RBFOX1: variants seen among roughly 807,000 people sequenced by gnomAD.
The protein encoded by RBFOX1 is RNA binding protein fox-1 homolog 1.
RBFOX1 carries 8 observed loss-of-function variants against 57.7 expected under a neutral mutation model. The ratio of observed to expected loss-of-function variants is 0.14; its 90% CI spans 0.08 to 0.25. RBFOX1 has a LOEUF of 0.25. Among genes scored for constraint, RBFOX1 ranks in the 10% least tolerant of loss-of-function variants. RBFOX1 has a pLI of 1.00. For missense variants in RBFOX1, 611 were observed against 548.5 expected (o/e 1.11, Z -1.14); for synonymous variants, 326 against 222.4 (o/e 1.47, Z -4.15).
chr16:6,956,264 A>T (rs1383352820), intron 3 of RBFOX1, among the ~76,000 whole-genome samples: 1 of 152,150 alleles, frequency 6.6e-6, no homozygotes, highest in Admixed American at 6.6e-5. Context: ...TCAGGCACAA[A>T]GAGCTGGGTG....
intron 3 of RBFOX1, among the ~76,000 whole-genome samples, chr16:5,710,845 C>G (rs1034766841): frequency 6.6e-6 from 1 of 152,178 alleles, no homozygotes; most frequent in Admixed American, 6.5e-5. Context: ...TGTTGTGGCT[C>G]TGCAAGACCT....
chr16:7,129,044 A>T (rs2069446150), intron 4 of RBFOX1, among the ~76,000 whole-genome samples: 5 of 151,530 alleles, frequency 3.3e-5, no homozygotes, highest in African/African-American at 1.2e-4. Context: ...TGGTCTTGAC[A>T]CCTTAACCTC....
chr16:6,584,117 G>C (rs1272446983), intron 2 of RBFOX1, among the ~76,000 whole-genome samples: 4 of 151,816 alleles, frequency 2.6e-5, no homozygotes, highest in Admixed American at 1.3e-4. Flanking sequence ...AACCAAGTCA[G>C]AGTCTCCTAA....
At chr16:6,023,474 CT>C (rs1157730354) in intron 1 of RBFOX1, among the ~76,000 whole-genome samples, 6 of 152,188 alleles carry the variant, frequency 3.9e-5, no homozygotes, top group Non-Finnish European at 5.9e-5. Flanking sequence ...GTATAGGAAT[CT>C]GACATTTCAC....
chr16:6,270,237 A>G (rs190671493), intron 1 of RBFOX1, among the ~76,000 whole-genome samples: 9 of 152,300 alleles, frequency 5.9e-5, no homozygotes, highest in Admixed American at 3.3e-4. Flanking sequence ...TAACATACCA[A>G]TAATTACATT....
chr16:7,172,697 G>C (rs1188653184), intron 4 of RBFOX1, among the ~76,000 whole-genome samples: 1 of 152,168 alleles, frequency 6.6e-6, no homozygotes. Flanking sequence ...GAGGCAGAGG[G>C]GGATCTTGAC....
intron 2 of RBFOX1, among the ~76,000 whole-genome samples, chr16:6,508,522 C>T (rs1046093610): frequency 6.6e-6 from 1 of 152,106 alleles, no homozygotes; most frequent in African/African-American, 2.4e-5. Context: ...CCAAAGGTGT[C>T]CTACTGTGCT....
chr16:7,688,260 T>TGTGTGTGAGAGAGAGAGA (rs1319185243), intron 14 of RBFOX1, among the ~76,000 whole-genome samples: 3 of 125,292 alleles, frequency 2.4e-5, no homozygotes, highest in African/African-American at 8.9e-5. Flanking sequence ...TGTGTGTGTG[T>TGTGTGTGAGAGAGAGAGA]GAGAGAGAGA....
intron 2 of RBFOX1, among the ~76,000 whole-genome samples, chr16:6,509,167 C>A (rs369333667): frequency 6.6e-6 from 1 of 152,184 alleles, no homozygotes; most frequent in Non-Finnish European, 1.5e-5. Context: ...CAGAGAGGAT[C>A]TTCCAGTAAA....
At chr16:5,486,916 C>G (rs2151659224) in intron 2 of RBFOX1, among the ~76,000 whole-genome samples, 1 of 152,266 alleles carries the variant, frequency 6.6e-6, no homozygotes, top group East Asian at 1.9e-4. Context: ...CCTCAGCAGC[C>G]TCTCTCAGAC....
chr16:7,337,253 A>T (rs2096806365), intron 4 of RBFOX1, among the ~76,000 whole-genome samples: 1 of 152,178 alleles, frequency 6.6e-6, no homozygotes. Flanking sequence ...AGGTTGAGGT[A>T]TTCAGGCAGG....
chr16:5,254,114 T>C (rs2062524909), intron 1 of RBFOX1, among the ~76,000 whole-genome samples: 1 of 152,228 alleles, frequency 6.6e-6, no homozygotes, highest in South Asian at 2.1e-4. Context: ...GTTTAGTATA[T>C]GCTCACCTAG....
chr16:5,253,161 T>C (rs2062497833), intron 1 of RBFOX1, among the ~76,000 whole-genome samples: 1 of 152,172 alleles, frequency 6.6e-6, no homozygotes. Flanking sequence ...TCTTTCTTTC[T>C]TTTTTGAGAC....
chr16:6,761,924 C>A (rs373898268), intron 3 of RBFOX1, among the ~76,000 whole-genome samples: 1 of 152,104 alleles, frequency 6.6e-6, no homozygotes, highest in African/African-American at 2.4e-5. Flanking sequence ...CACCTCTAGA[C>A]TGATGATCAT....
intron 10 of RBFOX1, among the ~76,000 whole-genome samples, chr16:7,609,545 A>C (rs12596889): frequency 6.6e-6 from 1 of 152,010 alleles, no homozygotes; most frequent in African/African-American, 2.4e-5. Context: ...TAGATCATTA[A>C]GTTAGAGGAA....
At chr16:6,058,062 G>C (rs957872287) in intron 1 of RBFOX1, among the ~76,000 whole-genome samples, 1 of 152,034 alleles carries the variant, frequency 6.6e-6, no homozygotes, top group African/African-American at 2.4e-5. Context: ...CAGTGCCAAA[G>C]GAGCAAACGC....
chr16:6,890,483 C>A (rs934249298), intron 3 of RBFOX1, among the ~76,000 whole-genome samples: 2 of 152,024 alleles, frequency 1.3e-5, no homozygotes, highest in African/African-American at 4.8e-5. Context: ...AGCACCATGG[C>A]ACTCCAGCCT....
At chr16:5,843,412 T>G (rs1237158379) in intron 3 of RBFOX1, among the ~76,000 whole-genome samples, 1 of 152,214 alleles carries the variant, frequency 6.6e-6, no homozygotes, top group Non-Finnish European at 1.5e-5. Context: ...CAGCATTAGT[T>G]TGCCAAGGAT....
At chr16:7,329,496 A>G (rs2096656355) in intron 4 of RBFOX1, among the ~76,000 whole-genome samples, 1 of 152,226 alleles carries the variant, frequency 6.6e-6, no homozygotes. Flanking sequence ...CAGCAATACT[A>G]GGTGCTTCCC....
Sources: allele counts gnomAD v4.1 joint callset (sites outside exome capture counted in the v4.1 genomes callset), GRCh38; gene constraint gnomAD v4.1.1; transcripts MANE v1.5; gene names NCBI Gene and HGNC (gene_info 2026-07-23, HGNC 2026-07-21).